EPHA6: variants seen among roughly 807,000 people sequenced by gnomAD.
The protein encoded by EPHA6 is ephrin type-A receptor 6.
Under a neutral mutation model 112.0 loss-of-function variants are expected in EPHA6, and 50 were observed. That is an observed-to-expected ratio of 0.45 (90% CI 0.36 to 0.56). The LOEUF is 0.56. Among genes scored for constraint, EPHA6 ranks in the 20% least tolerant of loss-of-function variants. The pLI is 0.00. For synonymous variants in EPHA6, 529 were observed against 490.7 expected (o/e 1.08, Z -1.03); for missense variants, 1,280 against 1,417.4 (o/e 0.90, Z 1.56).
chr3:96,849,961 G>C (rs1324832984), intron 1 of EPHA6, among the ~76,000 whole-genome samples: 2 of 152,174 alleles, frequency 1.3e-5, no homozygotes, highest in Non-Finnish European at 2.9e-5. Flanking sequence ...TTTAGAATGA[G>C]ATTCATAAAC....
intron 3 of EPHA6, among the ~76,000 whole-genome samples, chr3:97,079,790 C>T (rs1041174109): frequency 2.6e-5 from 4 of 151,922 alleles, no homozygotes; most frequent in Non-Finnish European, 5.9e-5. Flanking sequence ...CCACAGCCAC[C>T]CCAGCCTTCA....
chr3:97,676,006 C>A (rs1173287031), intron 14 of EPHA6, among the ~76,000 whole-genome samples: 1 of 151,942 alleles, frequency 6.6e-6, no homozygotes, highest in Non-Finnish European at 1.5e-5. Flanking sequence ...TGGAAGAATG[C>A]AGGGAGGAGC....
At chr3:96,904,561 A>G (rs1220781527) in intron 2 of EPHA6, among the ~76,000 whole-genome samples, 1 of 151,742 alleles carries the variant, frequency 6.6e-6, no homozygotes, top group Non-Finnish European at 1.5e-5. Flanking sequence ...TACATATGTA[A>G]CTAACCTGCA....
chr3:97,566,088 A>C (rs974952291), intron 11 of EPHA6, among the ~76,000 whole-genome samples: 9 of 152,070 alleles, frequency 5.9e-5, no homozygotes, highest in African/African-American at 2.2e-4. Context: ...CATGGCACCA[A>C]CATCTGTTTG....
intron 9 of EPHA6, among the ~76,000 whole-genome samples, chr3:97,483,367 G>C (rs2091610697): frequency 6.6e-6 from 1 of 152,108 alleles, no homozygotes. Flanking sequence ...ACTATATGCA[G>C]TCAGTCCATG....
intron 6 of EPHA6, among the ~76,000 whole-genome samples, chr3:97,446,870 T>A (rs999636437): frequency 1.1e-4 from 17 of 152,176 alleles, no homozygotes; most frequent in Non-Finnish European, 2.1e-4. Flanking sequence ...TCACCATCGA[T>A]GATTTATAGA....
In EPHA6 at chr3:96,935,435, T is replaced by C. The variant is rs139306278; in HGVS notation, c.451-51895T>C. On this transcript the variant is annotated intron_variant, in intron 2 of 17. Transcript: ENST00000389672. ...ATATTTTAACTATTATATGAATATATGTATATGACATATATAAAACTATTA... is the reference window on the plus strand; with the variant it reads ...ATATTTTAACTATTATATGAATATACGTATATGACATATATAAAACTATTA... Among the ~76,000 whole-genome samples, 549 of 151,238 alleles carry C rather than the reference T, an allele frequency of 3.6e-3. 1 individual carries two copies. The highest frequency in any genetic ancestry group is 5.9e-3 in the Non-Finnish European group (396 of 67,644).
chr3:97,572,147 CTTTTTTTTTTT>C (rs869271956), intron 11 of EPHA6, among the ~76,000 whole-genome samples: 9 of 128,364 alleles, frequency 7.0e-5, no homozygotes, highest in African/African-American at 2.0e-4. Context: ...ATCTCTTTTC[CTTTTTTTTTTT>C]TTTTTTTTTT....
intron 10 of EPHA6, among the ~76,000 whole-genome samples, chr3:97,526,303 T>C (rs2092618805): frequency 6.6e-6 from 1 of 152,138 alleles, no homozygotes; most frequent in African/African-American, 2.4e-5. Flanking sequence ...CATTTGAGGA[T>C]CCACTGTGGA....
chr3:97,084,067 A>AGTGTGT (rs145113129), intron 3 of EPHA6, among the ~76,000 whole-genome samples: 5,291 of 109,676 alleles, frequency 0.048, 424 homozygotes, highest in African/African-American at 0.16. Context: ...TATTTCTTAA[A>AGTGTGT]GTGTGTGTGT....
At chr3:97,374,701 T>G (rs1559934297) in intron 5 of EPHA6, among the ~76,000 whole-genome samples, 1 of 152,120 alleles carries the variant, frequency 6.6e-6, no homozygotes, top group Non-Finnish European at 1.5e-5. Context: ...ATGTCTATTA[T>G]TCCCATCTTT....
intron 3 of EPHA6, among the ~76,000 whole-genome samples, chr3:97,209,580 A>G (rs552898102): frequency 3.9e-4 from 60 of 152,318 alleles, no homozygotes; most frequent in Middle Eastern, 6.8e-3. Context: ...TGCCAGCATG[A>G]TTAATAACTT....
At chr3:96,992,455 A>G (rs1247248209) in intron 3 of EPHA6, among the ~76,000 whole-genome samples, 5 of 152,208 alleles carry the variant, frequency 3.3e-5, no homozygotes, top group African/African-American at 9.6e-5. Context: ...GAGGTCACTC[A>G]TGCAACTGCA....
At chr3:96,845,065 A>T (rs1460574276) in intron 1 of EPHA6, among the ~76,000 whole-genome samples, 3 of 152,052 alleles carry the variant, frequency 2.0e-5, no homozygotes, top group Non-Finnish European at 4.4e-5. Flanking sequence ...AAGTACATAG[A>T]TATTAGTCCA....
chr3:97,046,233 C>T (rs1360010235), intron 3 of EPHA6, among the ~76,000 whole-genome samples: 1 of 152,016 alleles, frequency 6.6e-6, no homozygotes, highest in African/African-American at 2.4e-5. Context: ...TGCAGCATGA[C>T]CTGGTTGGAT....
intron 5 of EPHA6, among the ~76,000 whole-genome samples, chr3:97,264,736 G>A (rs2079615455): frequency 6.6e-6 from 1 of 152,230 alleles, no homozygotes; most frequent in South Asian, 2.1e-4. Context: ...AAGGCAAAGA[G>A]TAGCTTTATT....
At chr3:97,211,060 C>T (rs2077859893) in intron 3 of EPHA6, among the ~76,000 whole-genome samples, 1 of 152,200 alleles carries the variant, frequency 6.6e-6, no homozygotes, top group Non-Finnish European at 1.5e-5. Context: ...AGCTCTATTA[C>T]CTTTTATGAC....
chr3:97,158,452 G>C (rs753587252), intron 3 of EPHA6, among the ~76,000 whole-genome samples: 21 of 152,118 alleles, frequency 1.4e-4, no homozygotes, highest in Admixed American at 2.6e-4. Flanking sequence ...TTCTTTACAA[G>C]TGTCAGTCGA....
At chr3:96,965,645 A>G (rs7612898) in intron 2 of EPHA6, among the ~76,000 whole-genome samples, 4,098 of 152,188 alleles carry the variant, frequency 0.027, 144 homozygotes, top group African/African-American at 0.082. Flanking sequence ...TTGAGTAGAA[A>G]TCCTTACTTT....
Sources: allele counts gnomAD v4.1 joint callset (sites outside exome capture counted in the v4.1 genomes callset), GRCh38; gene constraint gnomAD v4.1.1; transcripts MANE v1.5; gene names NCBI Gene and HGNC (gene_info 2026-07-23, HGNC 2026-07-21).